Variants in SLIT3 observed in about 807,000 individuals in gnomAD.
The protein encoded by SLIT3 is slit guidance ligand 3, also known as slit homolog 3 protein.
SLIT3 carries 68 observed loss-of-function variants against 184.0 expected under a neutral mutation model. That is an observed-to-expected ratio of 0.37 (90% CI 0.30 to 0.45). The LOEUF (loss-of-function observed/expected upper bound fraction) is 0.45. Ranked by LOEUF, SLIT3 falls within the 20% of genes least tolerant of loss-of-function variation. SLIT3 has a pLI of 1.00. For synonymous variants in SLIT3, 831 were observed against 828.6 expected (o/e 1.00, Z -0.05); for missense variants, 1,707 against 2,026.0 (o/e 0.84, Z 3.02).
chr5:168,748,257 G>C, intron 20 of SLIT3, 45 bp downstream of exon 20: 1 of 1,438,588 alleles, frequency 7.0e-7, no homozygotes, highest in Non-Finnish European at 9.1e-7. Flanking sequence ...GGATGCTGCT[G>C]GTGGTGAGAT....
In SLIT3 at chr5:169,132,072, T is replaced by C. The variant is rs539353924; in HGVS notation, c.413+61407A>G. ...CTGCCTTCCTCAGGACTCAGAGTCC[T>C]GTTTCTTTAAGCCACTATAGTTGTA... On this transcript the variant is annotated intron_variant, in intron 4 of 35. Coordinates refer to ENST00000519560, the MANE Select transcript of SLIT3 (RefSeq NM_003062.4). Among the ~76,000 whole-genome samples the C allele has an allele frequency of 2.0e-5, 3 of 152,330 alleles. No homozygotes were observed. The East Asian group carries it at 5.8e-4, about 29-fold the overall frequency.
intron 6 of SLIT3, among the ~76,000 whole-genome samples, chr5:168,842,408 A>G (rs959475771): frequency 1.3e-5 from 2 of 148,850 alleles, no homozygotes; most frequent in Non-Finnish European, 3.0e-5. Flanking sequence ...TTTTTCTTTC[A>G]GTCACAGGTT....
At chr5:168,766,064 T>G (rs1466976408) in intron 14 of SLIT3, among the ~76,000 whole-genome samples, 1 of 152,164 alleles carries the variant, frequency 6.6e-6, no homozygotes, top group Admixed American at 6.5e-5. Flanking sequence ...CAAGCTCCCA[T>G]GTTTGAATGG....
intron 12 of SLIT3, among the ~76,000 whole-genome samples, chr5:168,779,765 C>T (rs1473114304): frequency 6.6e-6 from 1 of 152,216 alleles, no homozygotes; most frequent in East Asian, 1.9e-4. Context: ...GGGACCGGGG[C>T]TGGCCTGTGC....
At chr5:168,818,464 C>G (rs1461787145) in intron 7 of SLIT3, among the ~76,000 whole-genome samples, 1 of 152,222 alleles carries the variant, frequency 6.6e-6, no homozygotes, top group Non-Finnish European at 1.5e-5. Context: ...CCCCCAAGGT[C>G]TCTCTATCAG....
At position 169,216,410 on chromosome 5, in the gene SLIT3, C is replaced by A. The variant is rs552983966; in HGVS notation, c.342-22860G>T. Among the ~76,000 whole-genome samples, 91 of 152,304 alleles carry A rather than the reference C, an allele frequency of 6.0e-4. 1 individual carries two copies. The highest frequency in any genetic ancestry group is 2.1e-3 in the African/African-American group (89 of 41,568). On this transcript the variant is annotated intron_variant, in intron 3 of 35. Transcript: ENST00000519560. ...GCCTCCAAGGAAGTTCTAATACCCA[C>A]CTGACACGTTTCAAAGATTAATGCA...
chr5:169,061,745 T>C (rs78650116), intron 4 of SLIT3, among the ~76,000 whole-genome samples: 1,925 of 152,330 alleles, frequency 0.013, 36 homozygotes, highest in African/African-American at 0.044. Context: ...ATCGCTGGGA[T>C]GCTTCCAGCC....
At chr5:169,289,911 G>A (rs1167723587) in intron 1 of SLIT3, among the ~76,000 whole-genome samples, 1 of 151,964 alleles carries the variant, frequency 6.6e-6, no homozygotes, top group Non-Finnish European at 1.5e-5. Context: ...ATATGCTAGG[G>A]CACATACTAG....
At chr5:169,000,755 T>A (rs1218503250) in intron 4 of SLIT3, among the ~76,000 whole-genome samples, 1 of 152,226 alleles carries the variant, frequency 6.6e-6, no homozygotes, top group African/African-American at 2.4e-5. Flanking sequence ...TGACAGTTAT[T>A]AGAGCTCTGA....
At chr5:169,220,900 A>G in intron 3 of SLIT3, among the ~76,000 whole-genome samples, 1 of 152,128 alleles carries the variant, frequency 6.6e-6, no homozygotes, top group Non-Finnish European at 1.5e-5. Context: ...ACTACCCCCC[A>G]ACTTCTCCCT....
At chr5:169,048,894 T>C (rs146549498) in intron 4 of SLIT3, among the ~76,000 whole-genome samples, 153 of 152,270 alleles carry the variant, frequency 1.0e-3, no homozygotes, top group African/African-American at 3.6e-3. Context: ...TCTTGAAATA[T>C]GGAGTTTCAG....
rs575284265 is a variant in SLIT3 at position 169,051,401 on chromosome 5, C to T, written c.413+142078G>A. Reference sequence around the variant, plus strand: ...TAAGTTTCCTCCTGCCCAGGAGTGACTCCAAGAAGGAAATGAATTCTCAGT... The same window carrying T: ...TAAGTTTCCTCCTGCCCAGGAGTGATTCCAAGAAGGAAATGAATTCTCAGT... On this transcript the variant is annotated intron_variant, in intron 4 of 35. Coordinates refer to ENST00000519560, the MANE Select transcript of SLIT3 (RefSeq NM_003062.4). 3.3e-5 allele frequency among the ~76,000 whole-genome samples: 5 copies of T among 151,780 alleles called. No individual in the cohort carries two copies. In the East Asian group the frequency reaches 1.0e-3, roughly 31 times the overall value.
chr5:168,862,889 G>T (rs1759161770), intron 5 of SLIT3, among the ~76,000 whole-genome samples: 1 of 152,154 alleles, frequency 6.6e-6, no homozygotes, highest in African/African-American at 2.4e-5. Context: ...TGGCTAGGCT[G>T]GTCTCGAACC....
At chr5:168,729,997 G>A (rs1033596743) in intron 20 of SLIT3, among the ~76,000 whole-genome samples, 3 of 151,742 alleles carry the variant, frequency 2.0e-5, no homozygotes, top group African/African-American at 7.3e-5. Flanking sequence ...CCATAAAGAC[G>A]CAAATAGACT....
chr5:168,728,538 G>T (rs1164355002), intron 20 of SLIT3, among the ~76,000 whole-genome samples: 1 of 151,978 alleles, frequency 6.6e-6, no homozygotes, highest in Non-Finnish European at 1.5e-5. Flanking sequence ...AGATGCAAGA[G>T]AAATCTGAAA....
intron 4 of SLIT3, among the ~76,000 whole-genome samples, chr5:169,140,763 G>A (rs147054021): frequency 3.9e-5 from 6 of 152,208 alleles, no homozygotes; most frequent in Non-Finnish European, 7.4e-5. Context: ...TCACGCCGTC[G>A]CATTCCAATG....
chr5:168,985,469 T>A (rs1393706804), intron 4 of SLIT3, among the ~76,000 whole-genome samples: 1 of 152,116 alleles, frequency 6.6e-6, no homozygotes, highest in African/African-American at 2.4e-5. Flanking sequence ...AGAAAAGCAA[T>A]CATGGTGCAT....
intron 2 of SLIT3, among the ~76,000 whole-genome samples, chr5:169,247,840 T>C (rs1445297350): frequency 6.6e-6 from 1 of 152,082 alleles, no homozygotes; most frequent in Non-Finnish European, 1.5e-5. Flanking sequence ...TCCAGGCTGG[T>C]CTTGAACTCC....
rs779204933 is a variant in SLIT3 at position 168,795,559 on chromosome 5, T to C, written c.955A>G (p.Ile319Val). 1 of 1,613,914 alleles carries C rather than the reference T, an allele frequency of 6.2e-7. No homozygotes were observed. Among genetic ancestry groups the C allele is most frequent in the South Asian group, 1.1e-5 (1 of 91,066 alleles). ...IVEIRLEQNS[I>V]KAIPAGAFTQ... ...AAGGCTCCTGCAGGGATGGCTTTGA[T>C]GGAGTTCTGTTCTAGGCGTCTGGGA... The change falls in exon 10 of 36, where the codon ATC becomes GTC. Residue 319 changes from isoleucine to valine, a missense_variant. Physicochemically the swap from Ile to Val is conservative, Grantham distance 29 (BLOSUM62 3). This residue lies in a region of SLIT3 where 1,307 missense variants were observed against 1,511.6 expected (regional missense o/e 0.86). Coordinates refer to ENST00000519560, the MANE Select transcript of SLIT3 (RefSeq NM_003062.4).
Sources: gnomAD v4.1 joint callset for allele counts (sites outside exome capture counted in the v4.1 genomes callset) on GRCh38, gnomAD v4.1.1 for gene constraint, gnomAD v4.1.1 regional missense constraint, MANE v1.5 for transcripts, NCBI Gene and HGNC (gene_info 2026-07-23, HGNC 2026-07-21) for gene names.